The following OTX2 variants were observed in gnomAD, a reference collection of about 807,000 sequenced individuals.
OTX2 encodes the protein orthodenticle homeobox 2.
In OTX2, 4 loss-of-function variants were observed where a neutral mutation model predicts 29.0. The ratio of observed to expected loss-of-function variants is 0.14; its 90% CI spans 0.07 to 0.32. The LOEUF (loss-of-function observed/expected upper bound fraction) is 0.32. OTX2 is among the 10% of genes least tolerant of loss of function. OTX2 has a pLI of 1.00. For synonymous variants in OTX2, 134 were observed against 141.0 expected (o/e 0.95, Z 0.35); for missense variants, 298 against 365.9 (o/e 0.81, Z 1.51).
At position 56,802,258 on chromosome 14, in the gene OTX2, G is replaced by C; in HGVS notation, c.371C>G (p.Ser124Cys). ...CTCTGAACTCACTTCCCGAGCTGGA[G>C]ATGTCTTCTTTTTGGCAGGTCTCAC... ...NKVRPAKKKT[S>C]PAREVSSESG... The change falls in exon 5 of 5, where the codon TCT (serine) becomes TGT (cysteine). Residue 124 changes from serine (S) to cysteine (C), a missense_variant. Transcript: ENST00000672264. This position sits in a 1 kb window ranked among gnomAD's most constrained non-coding sequence, Gnocchi z 4.4. 6.2e-7 allele frequency: 1 copy of C among 1,614,184 alleles called. No individual in the cohort carries two copies. The highest frequency in any genetic ancestry group is 8.5e-7 in the Non-Finnish European group (1 of 1,180,042).
rs547482862 is a variant in OTX2, at chr14:56,802,904, G to A, written c.274-549C>T. Among the ~76,000 whole-genome samples the A allele has an allele frequency of 1.0e-3, 155 of 152,312 alleles. No homozygotes were observed. The highest frequency in any genetic ancestry group is 3.6e-3 in the African/African-American group (150 of 41,564). On this transcript the variant is annotated intron_variant, in intron 4 of 4. Coordinates refer to ENST00000672264, the MANE Select transcript of OTX2 (RefSeq NM_021728.4). This position sits in a 1 kb window ranked among gnomAD's most constrained non-coding sequence, Gnocchi z 4.4. ...AAAGACTCACAGAACAAAGCTCCAA[G>A]GGGAAGACATGATCTTGTTGAAGAA... is the stretch of plus-strand genomic sequence containing the variant.
chr14:56,805,717 C>G (rs1235333846), intron 2 of OTX2, 142 bp from the exon 3 acceptor site: 5 of 443,690 alleles, frequency 1.1e-5, no homozygotes, highest in East Asian at 4.4e-5. Flanking sequence ...ACACTCCCCC[C>G]ACCCCCATCC....
Position 56,804,808 on chromosome 14 carries a change from T to A in OTX2, c.98-445A>T, listed in dbSNP as rs11844806. 0.015 allele frequency among the ~76,000 whole-genome samples: 2,319 copies of A among 152,160 alleles called. 68 individuals carry two copies. The highest frequency in any genetic ancestry group is 0.053 in the African/African-American group (2,209 of 41,490). ...CTCCATCTTTAAAATGGGGACATAG[T>A]TCATACTCCTGGGAGGATTTTTAAA... On this transcript the variant is annotated intron_variant, in intron 3 of 4. Coordinates refer to ENST00000672264, the MANE Select transcript of OTX2 (RefSeq NM_021728.4). This position sits in a 1 kb window ranked among gnomAD's most constrained non-coding sequence, Gnocchi z 4.1.
chr14:56,807,581 G>A (rs1049341380), intron 2 of OTX2, among the ~76,000 whole-genome samples: 4 of 152,110 alleles, frequency 2.6e-5, no homozygotes, highest in Non-Finnish European at 4.4e-5. Context: ...ATCCTTCCAG[G>A]GGCTCCTTTG....
In OTX2 at chr14:56,802,785, C is replaced by T. The variant is rs985177743; in HGVS notation, c.274-430G>A. Among the ~76,000 whole-genome samples, 1 of 152,188 alleles carries T rather than the reference C, an allele frequency of 6.6e-6. No homozygotes were observed. The highest frequency in any genetic ancestry group is 2.4e-5 in the African/African-American group (1 of 41,444). On this transcript the variant is annotated intron_variant, in intron 4 of 4. Coordinates refer to ENST00000672264, the MANE Select transcript of OTX2 (RefSeq NM_021728.4). The surrounding 1 kb of genome is among the most constrained non-coding windows in gnomAD (Gnocchi z 4.4). ...AAGCAATTCTGTTGTTACAGGCTAA[C>T]AGGAACAGCCTAAATTCATTTACAG...
rs198240 is a variant in OTX2 at position 56,800,210 on chromosome 14, G to A, written c.*1525C>T. On this transcript the variant is annotated 3_prime_UTR_variant, in exon 5 of 5. Coordinates refer to ENST00000672264, the MANE Select transcript of OTX2 (RefSeq NM_021728.4). ...ACTTTTCTGAAACTCTTTTGTTCAG[G>A]AATCATTTCTGCCTGAATTACTTTC... 137,865 of 152,044 alleles carry A rather than the reference G, an allele frequency of 0.91. 63,880 individuals are homozygous for A. Among genetic ancestry groups the A allele is most frequent in the East Asian group, 1 (5,152 of 5,174 alleles). 9.4% of individuals were successfully genotyped at this position (152,044 alleles called of 1,614,324 possible). A position where few individuals can be genotyped will look rare whatever the true frequency, so the allele number is the denominator to read the frequency against.
rs104894465 is a variant in OTX2, at chr14:56,802,068, A to G, written c.561T>C (p.Tyr187=). The part of the protein sequence containing the change: ...SCMQRSYPMT[Y]TQASGYSQGY... ...CTTGACTATAACCTGAAGCCTGAGTATAGGTCATGGGATAGGACCTCTGCA... is the reference window on the plus strand; with the variant it reads ...CTTGACTATAACCTGAAGCCTGAGTGTAGGTCATGGGATAGGACCTCTGCA... Residue 187 remains tyrosine, a synonymous_variant, in exon 5 of 5, where the codon TAT becomes TAC. Coordinates refer to ENST00000672264, the MANE Select transcript of OTX2 (RefSeq NM_021728.4). The surrounding 1 kb of genome is among the most constrained non-coding windows in gnomAD (Gnocchi z 4.4). 5.6e-6 allele frequency: 9 copies of G among 1,614,212 alleles called. No homozygotes were observed. In the East Asian group the frequency reaches 1.6e-4, roughly 28 times the overall value.
At chr14:56,807,545 AAC>A (rs1892130351) in intron 2 of OTX2, among the ~76,000 whole-genome samples, 2 of 152,200 alleles carry the variant, frequency 1.3e-5, no homozygotes, top group Admixed American at 6.5e-5. Context: ...AAAAGCCAGT[AAC>A]ACACAGAAAG....
rs1427530899 is a variant in OTX2 at position 56,804,816 on chromosome 14, C to G, written c.98-453G>C. On this transcript the variant is annotated intron_variant, in intron 3 of 4. Transcript: ENST00000672264. This position sits in a 1 kb window ranked among gnomAD's most constrained non-coding sequence, Gnocchi z 4.1. ...TTAAAATGGGGACATAGTTCATACT[C>G]CTGGGAGGATTTTTAAACATATCTG... Among the ~76,000 whole-genome samples, 2 of 152,068 alleles carry G rather than the reference C, an allele frequency of 1.3e-5. No homozygotes were observed. The highest frequency in any genetic ancestry group is 4.8e-5 in the African/African-American group (2 of 41,398).
Position 56,802,295 on chromosome 14 carries a change from C to G in OTX2, c.334G>C (p.Gly112Arg). 1 of 1,614,178 alleles carries G rather than the reference C, an allele frequency of 6.2e-7. No individual in the cohort carries two copies. Among genetic ancestry groups the G allele is most frequent in the Non-Finnish European group, 8.5e-7 (1 of 1,180,034 alleles). The change falls in exon 5 of 5, where the codon GGT (glycine) becomes CGT (arginine). Residue 112 changes from glycine (G) to arginine (R), a missense_variant. Gly to Arg is a moderately radical substitution (Grantham distance 125, BLOSUM62 -2). Around this residue, in one of 3 missense-constraint regions of OTX2, gnomAD observed 219 missense variants for 223.5 expected, o/e 0.98. Coordinates refer to ENST00000672264, the MANE Select transcript of OTX2 (RefSeq NM_021728.4). This position sits in a 1 kb window ranked among gnomAD's most constrained non-coding sequence, Gnocchi z 4.4. Reference protein sequence around the residue: ...RQQQQQQQNGGQNKVRPAKKK... With the variant: ...RQQQQQQQNGRQNKVRPAKKK... The stretch of plus-strand genomic sequence containing the variant: ...TTGGCAGGTCTCACTTTGTTTTGAC[C>G]TCCATTCTGCTGTTGTTGCTGTTGT...
rs780929725 is a variant in OTX2, at chr14:56,801,986, G to T, written c.643C>A (p.Pro215Thr). 1.2e-6 allele frequency: 2 copies of T among 1,614,152 alleles called. No individual in the cohort carries two copies. The highest frequency in any genetic ancestry group is 4.5e-5 in the East Asian group (2 of 44,878). Residue 215 changes from proline (P) to threonine (T), a missense_variant, in exon 5 of 5, where the codon CCT (proline) becomes ACT (threonine). Pro to Thr is a conservative substitution (Grantham distance 38). This residue lies in a region of OTX2 where 219 missense variants were observed against 223.5 expected (regional missense o/e 0.98). Coordinates refer to ENST00000672264, the MANE Select transcript of OTX2 (RefSeq NM_021728.4). The surrounding 1 kb of genome is among the most constrained non-coding windows in gnomAD (Gnocchi z 4.2). Reference sequence around the variant, plus strand: ...GGTCCGGGAAGCTGGTGATGCATAGGGGTCAAATATGATCCACAGTCCATG... The same window carrying T: ...GGTCCGGGAAGCTGGTGATGCATAGTGGTCAAATATGATCCACAGTCCATG... ...GGMDCGSYLT[P>T]MHHQLPGPGA...
chr14:56,801,487 T>C lies in OTX2; in HGVS notation c.*248A>G, dbSNP rs1042235855. On this transcript the variant is annotated 3_prime_UTR_variant, in exon 5 of 5. Transcript: ENST00000672264. The surrounding 1 kb of genome is among the most constrained non-coding windows in gnomAD (Gnocchi z 4.2). The stretch of plus-strand genomic sequence containing the variant: ...ATGGCTAGAATGCTTTTGATCACTT[T>C]GCAAATCAGGATAACCAATGATCTA... The C allele has an allele frequency of 1.8e-6, 1 of 557,004 alleles. No homozygotes were observed. Among genetic ancestry groups the C allele is most frequent in the Non-Finnish European group, 3.2e-6 (1 of 311,238 alleles). The allele number at this position is 557,004 out of a possible 1,614,324, so 34.5% of individuals were successfully genotyped here.
At position 56,802,332 on chromosome 14, in the gene OTX2, A is replaced by G. The variant is rs2139529344; in HGVS notation, c.297T>C (p.Ala99=). Residue 99 remains alanine (A), a synonymous_variant, in exon 5 of 5, where the codon GCT becomes GCC. Transcript: ENST00000672264. This position sits in a 1 kb window ranked among gnomAD's most constrained non-coding sequence, Gnocchi z 4.4. Reference sequence around the variant, plus strand: ...GTTGTTGCTGTTGTTGGCGGCACTTAGCTCTTCGATTCTTAAACCATACCT... The same window carrying G: ...GTTGTTGCTGTTGTTGGCGGCACTTGGCTCTTCGATTCTTAAACCATACCT... ...RVQVWFKNRR[A]KCRQQQQQQQ... 1 of 1,614,178 alleles carries G rather than the reference A, an allele frequency of 6.2e-7. No homozygotes were observed. Among genetic ancestry groups the G allele is most frequent in the South Asian group, 1.1e-5 (1 of 91,084 alleles).
chr14:56,807,634 T>A (rs1259408716), intron 2 of OTX2, among the ~76,000 whole-genome samples: 2 of 152,142 alleles, frequency 1.3e-5, no homozygotes, highest in Non-Finnish European at 2.9e-5. Flanking sequence ...AAATAGACTA[T>A]TTTCACTTTT....
chr14:56,809,525 G>T (rs1284700150), intron 2 of OTX2, among the ~76,000 whole-genome samples: 2 of 152,218 alleles, frequency 1.3e-5, no homozygotes, highest in Non-Finnish European at 2.9e-5. Context: ...GCGCCGGGGC[G>T]GACGAGAAGC....
chr14:56,804,345 G>A lies in OTX2; in HGVS notation c.116C>T (p.Pro39Leu). The A allele has an allele frequency of 6.2e-7, 1 of 1,613,856 alleles. No homozygotes were observed. Among genetic ancestry groups the A allele is most frequent in the Non-Finnish European group, 8.5e-7 (1 of 1,180,004 alleles). The change falls in exon 4 of 5, where the codon CCC (proline) becomes CTC (leucine). Residue 39 changes from proline (P) to leucine (L), a missense_variant. Physicochemically the swap from Pro to Leu is moderately conservative, Grantham distance 98 (BLOSUM62 -3). Around this residue, in one of 3 missense-constraint regions of OTX2, gnomAD observed 50 missense variants for 57.6 expected, o/e 0.87. Transcript: ENST00000672264. This position sits in a 1 kb window ranked among gnomAD's most constrained non-coding sequence, Gnocchi z 4.1. Reference protein sequence around the residue: ...VGYPGPWASCPAATPRKQRRE... With the variant: ...VGYPGPWASCLAATPRKQRRE... ...GCGCTGTTTCCGGGGGGTGGCTGCG[G>A]GACAAGAAGCCCAGGGCCCTTTAGG... is the stretch of plus-strand genomic sequence containing the variant.
At position 56,804,209 on chromosome 14, in the gene OTX2, G is replaced by A; in HGVS notation, c.252C>T (p.Asn84=). The A allele has an allele frequency of 1.9e-6, 3 of 1,614,212 alleles. No individual in the cohort carries two copies. The highest frequency in any genetic ancestry group is 2.5e-6 in the Non-Finnish European group (3 of 1,180,046). ...FMREEVALKI[N]LPESRVQVWF... is the part of the protein sequence containing the mutation. ...CTACCTGCACCCTCGACTCGGGCAAGTTGATTTTCAGTGCCACCTCCTCTC... is the reference window on the plus strand; with the variant it reads ...CTACCTGCACCCTCGACTCGGGCAAATTGATTTTCAGTGCCACCTCCTCTC... The change falls in exon 4 of 5, where the codon AAC becomes AAT. Residue 84 remains asparagine (N), a synonymous_variant. Coordinates refer to ENST00000672264, the MANE Select transcript of OTX2 (RefSeq NM_021728.4). This position sits in a 1 kb window ranked among gnomAD's most constrained non-coding sequence, Gnocchi z 4.1.
chr14:56,809,121 C>T (rs115100998), intron 2 of OTX2, among the ~76,000 whole-genome samples: 2,716 of 152,018 alleles, frequency 0.018, 80 homozygotes, highest in African/African-American at 0.062. Context: ...CGCGGGCGAG[C>T]CCTGCCTCTC....
chr14:56,806,380 A>G (rs1422169377), intron 2 of OTX2, among the ~76,000 whole-genome samples: 3 of 152,222 alleles, frequency 2.0e-5, no homozygotes, highest in Non-Finnish European at 4.4e-5. Flanking sequence ...TTTAACTTTT[A>G]ATAGACACCC....
Sources: gnomAD v4.1 joint callset for allele counts (sites outside exome capture counted in the v4.1 genomes callset) on GRCh38, gnomAD v4.1.1 for gene constraint, gnomAD v4.1.1 regional missense constraint, Gnocchi (gnomAD v3.1) non-coding constraint, MANE v1.5 for transcripts, NCBI Gene and HGNC (gene_info 2026-07-23, HGNC 2026-07-21) for gene names.